The following TRAK1 variants were observed in gnomAD, a reference collection of about 807,000 sequenced individuals.
TRAK1 encodes the protein trafficking kinesin protein 1, also known as trafficking kinesin-binding protein 1.
In TRAK1, 33 loss-of-function variants were observed where a neutral mutation model predicts 92.1. That is an observed-to-expected ratio of 0.36 (90% CI 0.27 to 0.48). The LOEUF is 0.48. Among genes scored for constraint, TRAK1 ranks in the 20% least tolerant of loss-of-function variants. TRAK1 has a pLI of 0.99. For synonymous variants in TRAK1, 521 were observed against 517.3 expected, an observed-to-expected ratio of 1.01 and a Z score of -0.10; for missense variants, 1,123 against 1,257.9, an observed-to-expected ratio of 0.89 and a Z score of 1.62.
intron 1 of TRAK1, among the ~76,000 whole-genome samples, chr3:42,074,890 G>T (rs1156450538): frequency 6.6e-6 from 1 of 152,068 alleles, no homozygotes; most frequent in African/African-American, 2.4e-5. Context: ...GGTGTCTGTT[G>T]TTCCCTTCTT....
chr3:42,220,620 T>C (rs1475965265), intron 15 of TRAK1: 1 of 983,694 alleles, frequency 1.0e-6, no homozygotes, highest in Non-Finnish European at 1.2e-6. Context: ...GTGCCTGCCC[T>C]GGCAGGGCCC....
Position 42,155,377 on chromosome 3 carries a change from G to A in TRAK1, c.287-21437G>A, listed in dbSNP as rs1245079051. On this transcript the variant is annotated intron_variant, in intron 2 of 15. Coordinates refer to ENST00000327628, the MANE Select transcript of TRAK1 (RefSeq NM_001042646.3). ...TTTACAAAAGGAAAATTTATGCTCC[G>A]TTTTTAGAGCTTTTCCGGCATCTGC... is the stretch of plus-strand genomic sequence containing the variant. 1.6e-4 allele frequency among the ~76,000 whole-genome samples: 25 copies of A among 152,264 alleles called. 1 individual carries two copies. In the South Asian group the frequency reaches 4.4e-3, roughly 27 times the overall value.
intron 1 of TRAK1, among the ~76,000 whole-genome samples, chr3:42,113,692 G>C (rs2149087628): frequency 6.6e-6 from 1 of 152,152 alleles, no homozygotes; most frequent in South Asian, 2.1e-4. Flanking sequence ...TGGGATTACA[G>C]GCATGAGCCA....
chr3:42,053,755 T>C (rs913702460), intron 1 of TRAK1, among the ~76,000 whole-genome samples: 8 of 152,042 alleles, frequency 5.3e-5, no homozygotes, highest in Non-Finnish European at 8.8e-5. Context: ...CATACCGCCT[T>C]TCCCCTCCCT....
intron 1 of TRAK1, among the ~76,000 whole-genome samples, chr3:42,073,564 G>A (rs1704025969): frequency 6.6e-6 from 1 of 152,192 alleles, no homozygotes; most frequent in Non-Finnish European, 1.5e-5. Flanking sequence ...GTACGGGCAG[G>A]ACCTGTGGCC....
At chr3:42,046,774 C>A (rs1702768027) in intron 1 of TRAK1, among the ~76,000 whole-genome samples, 1 of 152,096 alleles carries the variant, frequency 6.6e-6, no homozygotes, top group Admixed American at 6.5e-5. Context: ...AATTTTTCCC[C>A]CTAAGACTAA....
chr3:42,103,554 C>T (rs928664265), intron 1 of TRAK1, among the ~76,000 whole-genome samples: 24 of 152,148 alleles, frequency 1.6e-4, no homozygotes, highest in African/African-American at 5.8e-4. Context: ...CCTTGGAGAG[C>T]AGTGGTGGGG....
At chr3:42,044,419 C>T (rs9836323) in intron 1 of TRAK1, among the ~76,000 whole-genome samples, 20,983 of 152,240 alleles carry the variant, frequency 0.14, 2,065 homozygotes, top group African/African-American at 0.27. Context: ...GCCTCGGTCT[C>T]CCAAAGTGCT....
In TRAK1 at chr3:42,189,139, C is replaced by G. The variant is rs1201953309; in HGVS notation, c.690+15C>G. On this transcript the variant is annotated intron_variant, in intron 6 of 15. Transcript: ENST00000327628. ...TTCGATCCGAGGTGATGTGCCCTCCCTTCTCTTGCCCCTGCTAGAAGGGTG... is the reference window on the plus strand; with the variant it reads ...TTCGATCCGAGGTGATGTGCCCTCCGTTCTCTTGCCCCTGCTAGAAGGGTG... 4 of 1,589,506 alleles carry G rather than the reference C, an allele frequency of 2.5e-6. No homozygotes were observed. Among genetic ancestry groups the G allele is most frequent in the Non-Finnish European group, 3.5e-6 (4 of 1,157,806 alleles).
At chr3:42,084,131 A>G (rs1218101435), upstream of TRAK1, among the ~76,000 whole-genome samples, 1 of 152,104 alleles carries the variant, frequency 6.6e-6, no homozygotes. Flanking sequence ...TTTAAAATTA[A>G]TGTTTTTATA....
chr3:42,187,641 A>T (rs561596717), intron 4 of TRAK1, among the ~76,000 whole-genome samples: 20 of 151,876 alleles, frequency 1.3e-4, no homozygotes, highest in African/African-American at 4.6e-4. Flanking sequence ...CTAATTTTTT[A>T]TTTTTAGTAG....
chr3:42,072,991 A>C (rs1033704690), intron 1 of TRAK1, among the ~76,000 whole-genome samples: 1 of 152,092 alleles, frequency 6.6e-6, no homozygotes, highest in African/African-American at 2.4e-5. Flanking sequence ...ATCTGTGTGC[A>C]TATGTGTGTT....
intron 4 of TRAK1, among the ~76,000 whole-genome samples, chr3:42,185,763 C>G (rs903657830): frequency 6.6e-6 from 1 of 151,662 alleles, no homozygotes; most frequent in Admixed American, 6.6e-5. Flanking sequence ...CTTCCACCCC[C>G]CGAGTTCAAG....
At chr3:42,121,890 T>G (rs1709931226) in intron 1 of TRAK1, among the ~76,000 whole-genome samples, 2 of 152,132 alleles carry the variant, frequency 1.3e-5, no homozygotes, top group Admixed American at 6.5e-5. Context: ...TGATCTTGGC[T>G]TACTGTAACT....
At chr3:42,040,949 A>G (rs1702517131) in intron 1 of TRAK1, among the ~76,000 whole-genome samples, 1 of 152,170 alleles carries the variant, frequency 6.6e-6, no homozygotes, top group South Asian at 2.1e-4. Flanking sequence ...AAAGTGCTGG[A>G]TTAGAGGTGT....
chr3:42,224,117 G>A lies in TRAK1; in HGVS notation c.*380G>A, dbSNP rs756087065. On this transcript the variant is annotated 3_prime_UTR_variant, in exon 16 of 16. Transcript: ENST00000327628. ...CATGGATAGGAAACCAGTGAATTCC[G>A]TGGCTGGCACACCACGAGCTGTCAC... 14 of 463,732 alleles carry A rather than the reference G, an allele frequency of 3.0e-5. No homozygotes were observed. Among genetic ancestry groups the A allele is most frequent in the African/African-American group, 1.4e-4 (7 of 50,370 alleles). 28.7% of individuals were successfully genotyped at this position (463,732 alleles called of 1,614,324 possible). A position where few individuals can be genotyped will look rare whatever the true frequency, so the allele number is the denominator to read the frequency against.
At chr3:42,208,150 G>A (rs539828405) in intron 13 of TRAK1, among the ~76,000 whole-genome samples, 4 of 152,092 alleles carry the variant, frequency 2.6e-5, no homozygotes, top group Non-Finnish European at 5.9e-5. Flanking sequence ...TTTCGTTATA[G>A]TCATTCTTAT....
chr3:42,046,319 A>T (rs1702747756), intron 1 of TRAK1, among the ~76,000 whole-genome samples: 1 of 149,642 alleles, frequency 6.7e-6, no homozygotes, highest in African/African-American at 2.5e-5. Context: ...GTTGATTTAA[A>T]TCTTCTGTAG....
chr3:42,158,914 G>A (rs1700890649), intron 2 of TRAK1, among the ~76,000 whole-genome samples: 2 of 149,976 alleles, frequency 1.3e-5, no homozygotes, highest in South Asian at 2.1e-4. Context: ...AGCCGAGATC[G>A]TGCCACTGCA....
Sources: gnomAD v4.1 joint callset for allele counts (sites outside exome capture counted in the v4.1 genomes callset) on GRCh38, gnomAD v4.1.1 for gene constraint, MANE v1.5 for transcripts, NCBI Gene and HGNC (gene_info 2026-07-23, HGNC 2026-07-21) for gene names.